Variants in KMT2B observed in about 807,000 individuals in gnomAD.
The protein encoded by KMT2B is histone-lysine N-methyltransferase 2B.
Under a neutral mutation model 255.3 loss-of-function variants are expected in KMT2B, and 22 were observed. The ratio of observed to expected loss-of-function variants is 0.09; its 90% confidence interval spans 0.06 to 0.12. The LOEUF is 0.12. KMT2B is among the 10% of genes least tolerant of loss of function. KMT2B has a pLI of 1.00. For synonymous variants in KMT2B, 1,730 were observed against 1,498.1 expected, an observed-to-expected ratio of 1.15 and a Z score of -3.57; for missense variants, 3,149 against 3,737.0, an observed-to-expected ratio of 0.84 and a Z score of 4.10.
rs2146463481 is a variant in KMT2B, at chr19:35,730,803, G to A, written c.5373G>A (p.Glu1791=). 1 of 1,613,728 alleles carries A rather than the reference G, an allele frequency of 6.2e-7. No individual in the cohort carries two copies. Among genetic ancestry groups the A allele is most frequent in the East Asian group, 2.2e-5 (1 of 44,888 alleles). Residue 1791 remains glutamate (E), a synonymous_variant, in exon 26 of 37, where the codon GAG becomes GAA. Transcript: ENST00000420124. ...LEYRPWGPRE[E]PAHLEAAEEN... The stretch of plus-strand genomic sequence containing the variant: ...ATCGGCCATGGGGGCCGAGGGAAGA[G>A]CCAGCTCACCTGGAGGCTGCAGAGG...
chr19:35,722,585 G>T lies in KMT2B; in HGVS notation c.2589G>T (p.Val863=). The change falls in exon 5 of 37, where the codon GTG becomes GTT. Residue 863 remains valine (V), a synonymous_variant. Coordinates refer to ENST00000420124, the MANE Select transcript of KMT2B (RefSeq NM_014727.3). ...RERPSGPESP[V]QGPRIKHVCR... is the part of the protein sequence containing the mutation. The stretch of plus-strand genomic sequence containing the variant: ...TCCCCCAGGGTCCCGAGTCCCCTGT[G>T]CAAGGTCCCCGCATCAAACATGTCT... The T allele has an allele frequency of 1.2e-6, 2 of 1,608,948 alleles. No homozygotes were observed. The highest frequency in any genetic ancestry group is 1.7e-6 in the Non-Finnish European group (2 of 1,178,092).
chr19:35,730,023 C>T lies in KMT2B; in HGVS notation c.4974C>T (p.Cys1658=), dbSNP rs745931449. ...GATVGCCLSS[C]LSNFHFMCAR... ...CGGTGGGCTGCTGCCTGTCCTCCTG[C>T]CTCAGCAACTTCCACTTCATGTGTG... Residue 1658 remains cysteine (C), a synonymous_variant, in exon 23 of 37, where the codon TGC becomes TGT. Coordinates refer to ENST00000420124, the MANE Select transcript of KMT2B (RefSeq NM_014727.3). 6.2e-7 allele frequency: 1 copy of T among 1,613,830 alleles called. No individual in the cohort carries two copies. Among genetic ancestry groups the T allele is most frequent in the South Asian group, 1.1e-5 (1 of 91,074 alleles).
At chr19:35,719,419 C>T (rs1969090610) in intron 1 of KMT2B, 50 bp from the exon 2 acceptor site, 2 of 1,341,562 alleles carry the variant, frequency 1.5e-6, no homozygotes, top group African/African-American at 1.5e-5. Context: ...GGAACGAGGG[C>T]TTTGGCACTG....
At position 35,727,152 on chromosome 19, in the gene KMT2B, C is replaced by T. The variant is rs1041771904; in HGVS notation, c.4004-4C>T. 1.2e-6 allele frequency: 2 copies of T among 1,606,308 alleles called. No individual in the cohort carries two copies. Among genetic ancestry groups the T allele is most frequent in the Admixed American group, 1.7e-5 (1 of 59,236 alleles). On this transcript the variant is annotated splice_region_variant and splice_polypyrimidine_tract_variant and intron_variant, in intron 14 of 36. Transcript: ENST00000420124. The surrounding 1 kb of genome is among the most constrained non-coding windows in gnomAD (Gnocchi z 4.2). ...CTCTGACTCCTTCTCTTCCCTTTCT[C>T]TAGGAAACTACTGCCCGATCTGTAC... is the stretch of plus-strand genomic sequence containing the variant.
At position 35,732,949 on chromosome 19, in the gene KMT2B, G is replaced by C. The variant is rs1380205922; in HGVS notation, c.6400G>C (p.Glu2134Gln). 1 of 1,607,190 alleles carries C rather than the reference G, an allele frequency of 6.2e-7. No homozygotes were observed. The highest frequency in any genetic ancestry group is 1.1e-5 in the South Asian group (1 of 90,176). Residue 2134 changes from glutamate (E) to glutamine (Q), a missense_variant, in exon 28 of 37, where the codon GAG becomes CAG. By Grantham distance (29) the Glu-to-Gln change is conservative. Transcript: ENST00000420124. ...GGATGGAGGTGCTGGCCCTAGAGAG[G>C]AGTCACTCCCCCCGGCGCCTCCCCT... is the stretch of plus-strand genomic sequence containing the variant. Reference protein sequence around the residue: ...PGDGGAGPREESLPPAPPLAN... With the variant: ...PGDGGAGPREQSLPPAPPLAN...
Position 35,718,233 on chromosome 19 carries a change from G to A in KMT2B, c.215G>A (p.Gly72Glu). 8.4e-7 allele frequency: 1 copy of A among 1,183,768 alleles called. No individual in the cohort carries two copies. Among genetic ancestry groups the A allele is most frequent in the Non-Finnish European group, 1.1e-6 (1 of 951,950 alleles). The allele number at this position is 1,183,768 out of a possible 1,614,324, so 73.3% of individuals were successfully genotyped here. A position where few individuals can be genotyped will look rare whatever the true frequency, so the allele number is the denominator to read the frequency against. The change falls in exon 1 of 37, where the codon GGG becomes GAG. Residue 72 changes from glycine to glutamate, a missense_variant. By Grantham distance (98) the Gly-to-Glu change is moderately conservative. Around this residue, in one of 18 missense-constraint regions of KMT2B, gnomAD observed 1,188 missense variants for 1,106.4 expected, o/e 1.07. Coordinates refer to ENST00000420124, the MANE Select transcript of KMT2B (RefSeq NM_014727.3). The surrounding 1 kb of genome is among the most constrained non-coding windows in gnomAD (Gnocchi z 5.0). ...GEDTALLRLL[G>E]LRRGLRRLRR... ...GACACGGCCCTGCTCCGTTTGCTGG[G>A]GCTCCGCCGGGGCCTGCGCCGGCTC...
rs201534623 is a variant in KMT2B at position 35,723,728 on chromosome 19, G to A, written c.3059-4G>A. 6.8e-5 allele frequency: 104 copies of A among 1,521,158 alleles called. No individual in the cohort carries two copies. Among genetic ancestry groups the A allele is most frequent in the Middle Eastern group, 1.8e-4 (1 of 5,572 alleles). 94.2% of individuals were successfully genotyped at this position (1,521,158 alleles called of 1,614,324 possible). ...AAATCCTACTAAGTCCCCTGTTCCCGCAGGCCGGACGATAGTGAAGACGCT... is the reference window on the plus strand; with the variant it reads ...AAATCCTACTAAGTCCCCTGTTCCCACAGGCCGGACGATAGTGAAGACGCT... On this transcript the variant is annotated splice_region_variant and splice_polypyrimidine_tract_variant and intron_variant, in intron 7 of 36. Coordinates refer to ENST00000420124, the MANE Select transcript of KMT2B (RefSeq NM_014727.3). The surrounding 1 kb of genome is among the most constrained non-coding windows in gnomAD (Gnocchi z 7.5).
At chr19:35,722,927 G>GC (rs1969279529) in intron 5 of KMT2B, 68 bp from the exon 6 acceptor site, 4 of 1,463,410 alleles carry the variant, frequency 2.7e-6, no homozygotes, top group Non-Finnish European at 3.6e-6. Context: ...TTGTGGGAAA[G>GC]CAGGGAAGTG....
In KMT2B at chr19:35,729,772, T is replaced by C. The variant is rs187116926; in HGVS notation, c.4918-195T>C. Among the ~76,000 whole-genome samples the C allele has an allele frequency of 2.2e-3, 339 of 152,344 alleles. 3 individuals carry two copies. The highest frequency in any genetic ancestry group is 0.017 in the Admixed American group (256 of 15,312). On this transcript the variant is annotated intron_variant, in intron 22 of 36. Coordinates refer to ENST00000420124, the MANE Select transcript of KMT2B (RefSeq NM_014727.3). ...ATCACACTAATGCTATCAGCAAGTATTGTCATTCTTGCTTCAAAGAACCAG... is the reference window on the plus strand; with the variant it reads ...ATCACACTAATGCTATCAGCAAGTACTGTCATTCTTGCTTCAAAGAACCAG...
rs1969992004 is a variant in KMT2B at position 35,738,068 on chromosome 19, C to T, written c.7749C>T (p.Ala2583=). ...TGTTCATCCTGCCCTGCAGATCAGC[C>T]ATCCACGGGCGAGGCCTGTTCTGTA... ...SKEAVGVYRS[A]IHGRGLFCKR... The change falls in exon 36 of 37, where the codon GCC becomes GCT. Residue 2583 remains alanine (A), a synonymous_variant. Coordinates refer to ENST00000420124, the MANE Select transcript of KMT2B (RefSeq NM_014727.3). This position sits in a 1 kb window ranked among gnomAD's most constrained non-coding sequence, Gnocchi z 8.7. The T allele has an allele frequency of 6.2e-7, 1 of 1,613,874 alleles. No individual in the cohort carries two copies. Among genetic ancestry groups the T allele is most frequent in the East Asian group, 2.2e-5 (1 of 44,874 alleles).
At position 35,723,116 on chromosome 19, in the gene KMT2B, A is replaced by C. The variant is rs993980063; in HGVS notation, c.2844A>C (p.Thr948=). Reference sequence around the variant, plus strand: ...GTTCTGGAGGGACCCTGGCCCACACACCCCGGCGCTCACTGCCCTCCCATC... The same window carrying C: ...GTTCTGGAGGGACCCTGGCCCACACCCCCCGGCGCTCACTGCCCTCCCATC... ...PTGSGGTLAH[T]PRRSLPSHHG... Residue 948 remains threonine, a synonymous_variant, in exon 6 of 37, where the codon ACA becomes ACC. Coordinates refer to ENST00000420124, the MANE Select transcript of KMT2B (RefSeq NM_014727.3). The surrounding 1 kb of genome is among the most constrained non-coding windows in gnomAD (Gnocchi z 7.5). 2 of 1,613,074 alleles carry C rather than the reference A, an allele frequency of 1.2e-6. No individual in the cohort carries two copies. The highest frequency in any genetic ancestry group is 8.5e-7 in the Non-Finnish European group (1 of 1,179,780).
chr19:35,727,332 G>A lies in KMT2B; in HGVS notation c.4117+63G>A. 6.4e-7 allele frequency: 1 copy of A among 1,567,488 alleles called. No homozygotes were observed. The highest frequency in any genetic ancestry group is 1.7e-5 in the Admixed American group (1 of 59,896). On this transcript the variant is annotated intron_variant, in intron 15 of 36. Coordinates refer to ENST00000420124, the MANE Select transcript of KMT2B (RefSeq NM_014727.3). This position sits in a 1 kb window ranked among gnomAD's most constrained non-coding sequence, Gnocchi z 4.2. ...TGTGGGGACCCCTGCCCCCACCACA[G>A]GCCCCAAGAGGACTGGTGGGCTAAG...
chr19:35,732,458 C>A lies in KMT2B; in HGVS notation c.5909C>A (p.Pro1970His). The A allele has an allele frequency of 1.2e-6, 2 of 1,613,892 alleles. No individual in the cohort carries two copies. Among genetic ancestry groups the A allele is most frequent in the South Asian group, 1.1e-5 (1 of 91,080 alleles). The change falls in exon 28 of 37, where the codon CCT becomes CAT. Residue 1970 changes from proline to histidine, a missense_variant. By Grantham distance (77) the Pro-to-His change is moderately conservative. This residue lies in a region of KMT2B where 897 missense variants were observed against 825.3 expected (regional missense o/e 1.09). Coordinates refer to ENST00000420124, the MANE Select transcript of KMT2B (RefSeq NM_014727.3). ...PPGPAPSPPP[P>H]EDLGPDFEDM... ...GGCCCGGCCCCATCTCCACCACCCC[C>A]TGAAGACCTGGGCCCAGACTTCGAG...
At position 35,732,402 on chromosome 19, in the gene KMT2B, C is replaced by G. The variant is rs768469620; in HGVS notation, c.5853C>G (p.Leu1951=). 1.9e-6 allele frequency: 3 copies of G among 1,613,494 alleles called. No individual in the cohort carries two copies. The Admixed American group carries it at 5.0e-5, about 27-fold the overall frequency. Residue 1951 remains leucine, a synonymous_variant, in exon 28 of 37, where the codon CTC becomes CTG. Transcript: ENST00000420124. ...VPPPTSVVTA[L]TPTSGELAPP... ...CTCCTACCTCAGTCGTCACAGCCCT[C>G]ACACCTACCTCAGGGGAGCTGGCTC...
chr19:35,721,015 G>A lies in KMT2B; in HGVS notation c.1668G>A (p.Lys556=), dbSNP rs564031735. ...ATGAAGACCCCCCCAAACCCCCAAA[G>A]GTGGAGGTCTCACCTGTCCTGCGAC... is the stretch of plus-strand genomic sequence containing the variant. ...FMDEDPPKPP[K]VEVSPVLRPP... The change falls in exon 3 of 37, where the codon AAG becomes AAA. Residue 556 remains lysine (K), a synonymous_variant. Coordinates refer to ENST00000420124, the MANE Select transcript of KMT2B (RefSeq NM_014727.3). 146 of 1,599,400 alleles carry A rather than the reference G, an allele frequency of 9.1e-5. 1 individual carries two copies. The South Asian group carries it at 1.5e-3, about 17-fold the overall frequency.
chr19:35,733,331 C>T lies in KMT2B; in HGVS notation c.6782C>T (p.Thr2261Met), dbSNP rs755598760. ...CCGCCCCCGCCACCCCCTCCCCTGA[C>T]GCTGGTGCTGAGCAGTGGGCCAGCC... is the stretch of plus-strand genomic sequence containing the variant. ...PAPPPPPPPL[T>M]LVLSSGPASP... The change falls in exon 28 of 37, where the codon ACG becomes ATG. Residue 2261 changes from threonine to methionine, a missense_variant. Physicochemically the swap from Thr to Met is moderately conservative, Grantham distance 81. This residue lies in a region of KMT2B where 897 missense variants were observed against 825.3 expected (regional missense o/e 1.09). Coordinates refer to ENST00000420124, the MANE Select transcript of KMT2B (RefSeq NM_014727.3). This position sits in a 1 kb window ranked among gnomAD's most constrained non-coding sequence, Gnocchi z 4.3. The T allele has an allele frequency of 3.8e-5, 55 of 1,464,598 alleles. No homozygotes were observed. Among genetic ancestry groups the T allele is most frequent in the Non-Finnish European group, 4.7e-5 (50 of 1,073,376 alleles). The allele number at this position is 1,464,598 out of a possible 1,614,324, so 90.7% of individuals were successfully genotyped here.
chr19:35,721,513 C>A lies in KMT2B; in HGVS notation c.2166C>A (p.His722Gln), dbSNP rs368953229. 2.5e-6 allele frequency: 4 copies of A among 1,612,060 alleles called. No homozygotes were observed. The African/African-American group carries it at 5.3e-5, about 22-fold the overall frequency. The change falls in exon 3 of 37, where the codon CAC becomes CAA. Residue 722 changes from histidine to glutamine, a missense_variant. Around this residue, in one of 18 missense-constraint regions of KMT2B, gnomAD observed 1,188 missense variants for 1,106.4 expected, o/e 1.07. Coordinates refer to ENST00000420124, the MANE Select transcript of KMT2B (RefSeq NM_014727.3). ...TTPVKAEVSP[H>Q]GAPALSNGPQ... The stretch of plus-strand genomic sequence containing the variant: ...CTGTTAAGGCCGAGGTGTCCCCTCA[C>A]GGGGCTCCAGCTCTGAGCAACGGGC...
rs762919148 is a variant in KMT2B, at chr19:35,733,556, G to C, written c.6960-41G>C. On this transcript the variant is annotated intron_variant, in intron 28 of 36. Transcript: ENST00000420124. The surrounding 1 kb of genome is among the most constrained non-coding windows in gnomAD (Gnocchi z 4.3). The stretch of plus-strand genomic sequence containing the variant: ...GCAGAGCAGGCAAGGGGGCAGATGG[G>C]CGGGAGATGCGGCTCATCCTTCTCG... 1 of 1,556,158 alleles carries C rather than the reference G, an allele frequency of 6.4e-7. No homozygotes were observed. The highest frequency in any genetic ancestry group is 8.7e-7 in the Non-Finnish European group (1 of 1,149,736).
chr19:35,727,283 G>T lies in KMT2B; in HGVS notation c.4117+14G>T. The T allele has an allele frequency of 1.3e-6, 2 of 1,599,114 alleles. No individual in the cohort carries two copies. Among genetic ancestry groups the T allele is most frequent in the Non-Finnish European group, 1.7e-6 (2 of 1,166,910 alleles). On this transcript the variant is annotated intron_variant, in intron 15 of 36. Coordinates refer to ENST00000420124, the MANE Select transcript of KMT2B (RefSeq NM_014727.3). This position sits in a 1 kb window ranked among gnomAD's most constrained non-coding sequence, Gnocchi z 4.2. ...AGGGGCTCTCAGGTGAGTCAGTGGA[G>T]CACCTGGGCTGCAGCCTCAACCCTG... is the stretch of plus-strand genomic sequence containing the variant.
Sources: allele counts gnomAD v4.1 joint callset (sites outside exome capture counted in the v4.1 genomes callset), GRCh38; gene constraint gnomAD v4.1.1; regional missense constraint gnomAD v4.1.1; non-coding constraint Gnocchi (gnomAD v3.1); transcripts MANE v1.5; gene names NCBI Gene and HGNC (gene_info 2026-07-23, HGNC 2026-07-21).